Variants in PAX7 observed in about 807,000 individuals in gnomAD.
PAX7 encodes paired box protein Pax-7.
PAX7 carries 18 observed loss-of-function variants against 50.7 expected under a neutral mutation model. That is an observed-to-expected ratio of 0.36 (90% CI 0.25 to 0.53). PAX7 has a LOEUF of 0.53. Among genes scored for constraint, PAX7 ranks in the 20% least tolerant of loss-of-function variants. The pLI is 0.93. For missense variants in PAX7, 644 were observed against 702.9 expected (o/e 0.92, Z 0.95); for synonymous variants, 310 against 290.4 (o/e 1.07, Z -0.69).
At chr1:18,644,503 T>C (rs1044619554) in intron 4 of PAX7, among the ~76,000 whole-genome samples, 2 of 152,114 alleles carry the variant, frequency 1.3e-5, no homozygotes, top group African/African-American at 4.8e-5. Flanking sequence ...ATTTACATAC[T>C]TATATACTTT....
intron 7 of PAX7, among the ~76,000 whole-genome samples, chr1:18,706,041 T>C (rs2089279186): frequency 6.6e-6 from 1 of 152,128 alleles, no homozygotes; most frequent in Non-Finnish European, 1.5e-5. Context: ...CTGCGAGCAC[T>C]TCCTGAAGGA....
chr1:18,718,545 C>T (rs1461213363), intron 7 of PAX7, among the ~76,000 whole-genome samples: 1 of 152,134 alleles, frequency 6.6e-6, no homozygotes, highest in Non-Finnish European at 1.5e-5. Context: ...TTGTAAACCT[C>T]TCCCCAAGTG....
chr1:18,728,959 A>G (rs2089613237), intron 7 of PAX7, among the ~76,000 whole-genome samples: 2 of 152,028 alleles, frequency 1.3e-5, no homozygotes, highest in African/African-American at 4.8e-5. Flanking sequence ...AGACAGACCC[A>G]GGGGAGAGGC....
chr1:18,703,424 A>G, intron 7 of PAX7, 128 bp downstream of exon 7: 1 of 800,322 alleles, frequency 1.2e-6, no homozygotes, highest in Non-Finnish European at 2.0e-6. Context: ...TTTTTGTTCT[A>G]GAATCAGGAA....
At chr1:18,728,406 C>G (rs2089606457) in intron 7 of PAX7, among the ~76,000 whole-genome samples, 1 of 151,894 alleles carries the variant, frequency 6.6e-6, no homozygotes, top group South Asian at 2.1e-4. Context: ...GTGTGTCTTC[C>G]TGCATCGGTG....
intron 5 of PAX7, among the ~76,000 whole-genome samples, chr1:18,698,910 C>T (rs973315170): frequency 2.6e-5 from 4 of 152,218 alleles, no homozygotes; most frequent in Non-Finnish European, 4.4e-5. Context: ...TAAGCGCCCT[C>T]CACCTGGCTG....
chr1:18,707,083 G>A (rs979607934), intron 7 of PAX7, among the ~76,000 whole-genome samples: 14 of 152,330 alleles, frequency 9.2e-5, no homozygotes, highest in African/African-American at 3.4e-4. Flanking sequence ...CTAACATAAT[G>A]AATATTTATA....
At chr1:18,740,223 A>G (rs1039562067) in intron 8 of PAX7, among the ~76,000 whole-genome samples, 6 of 152,266 alleles carry the variant, frequency 3.9e-5, no homozygotes, top group African/African-American at 1.2e-4. Context: ...CCCCTGGGAG[A>G]GGCAGGCTGT....
intron 8 of PAX7, among the ~76,000 whole-genome samples, chr1:18,736,588 A>G (rs1294614053): frequency 6.6e-6 from 1 of 152,130 alleles, no homozygotes; most frequent in Non-Finnish European, 1.5e-5. Flanking sequence ...TTATTGAGAT[A>G]TTTTACATTC....
chr1:18,713,084 G>GA (rs367924015), intron 7 of PAX7, among the ~76,000 whole-genome samples: 1 of 151,392 alleles, frequency 6.6e-6, no homozygotes, highest in African/African-American at 2.4e-5. Context: ...TCCATCTCAA[G>GA]AAAAAAAAGG....
chr1:18,648,830 A>G (rs1318001128), intron 4 of PAX7, among the ~76,000 whole-genome samples: 1 of 152,138 alleles, frequency 6.6e-6, no homozygotes, highest in Non-Finnish European at 1.5e-5. Context: ...GTACCGGAAG[A>G]TGTGGAGATA....
chr1:18,639,031 T>A (rs527496866), intron 4 of PAX7, among the ~76,000 whole-genome samples: 13 of 152,344 alleles, frequency 8.5e-5, no homozygotes, highest in African/African-American at 3.1e-4. Context: ...GCCCCTCTCA[T>A]GGCAGGGAGC....
At chr1:18,682,797 T>C (rs1271254960) in intron 4 of PAX7, among the ~76,000 whole-genome samples, 1 of 152,164 alleles carries the variant, frequency 6.6e-6, no homozygotes, top group Non-Finnish European at 1.5e-5. Flanking sequence ...GAGGAGGTGC[T>C]GCCGGGCTGT....
chr1:18,738,913 A>G (rs1930961578), intron 8 of PAX7, among the ~76,000 whole-genome samples: 1 of 152,206 alleles, frequency 6.6e-6, no homozygotes, highest in Admixed American at 6.5e-5. Flanking sequence ...CTCCTTTGGC[A>G]TTTTGGAGGC....
chr1:18,718,132 A>G (rs1256780978), intron 7 of PAX7, among the ~76,000 whole-genome samples: 1 of 152,236 alleles, frequency 6.6e-6, no homozygotes, highest in Non-Finnish European at 1.5e-5. Flanking sequence ...TGTCAGGGAC[A>G]GGAGAGCCAG....
At chr1:18,723,677 G>C (rs1283808486) in intron 7 of PAX7, among the ~76,000 whole-genome samples, 1 of 152,254 alleles carries the variant, frequency 6.6e-6, no homozygotes, top group African/African-American at 2.4e-5. Context: ...TGCACAGGGA[G>C]AGAAGAGAGA....
rs1328272563 is a variant in PAX7, at chr1:18,631,620, GC to G, written c.18del (p.Thr7ArgfsTer5). The part of the protein sequence containing the change: MAALP[G>X]TVPRMMRPAP... ...TGCGCAAGAATGGCGGCCCTTCCCGGCACGGTACCGAGAATGATGCGGCCGG... is the reference window on the plus strand; with the variant it reads ...TGCGCAAGAATGGCGGCCCTTCCCGGACGGTACCGAGAATGATGCGGCCGG... On this transcript the variant is annotated frameshift_variant, in exon 1 of 9. Coordinates refer to ENST00000420770, the MANE Select transcript of PAX7 (RefSeq NM_001135254.2). LOFTEE classifies it high-confidence loss of function. 6.2e-7 allele frequency: 1 copy of G among 1,612,450 alleles called. No homozygotes were observed. Among genetic ancestry groups the G allele is most frequent in the African/African-American group, 1.3e-5 (1 of 74,932 alleles).
rs758316511 is a variant in PAX7, at chr1:18,700,676, C to T, written c.810C>T (p.Ala270=). 62 of 1,581,050 alleles carry T rather than the reference C, an allele frequency of 3.9e-5. No homozygotes were observed. Among genetic ancestry groups the T allele is most frequent in the Non-Finnish European group, 5.3e-5 (62 of 1,164,910 alleles). The change falls in exon 6 of 9, where the codon GCC becomes GCT. Residue 270 remains alanine, a synonymous_variant. Transcript: ENST00000420770. The surrounding 1 kb of genome is among the most constrained non-coding windows in gnomAD (Gnocchi z 4.8). ...AGGTCTGGTTCAGTAACCGCCGCGC[C>T]CGTTGGCGTAAGCAGGCAGGAGCCA... The part of the protein sequence containing the change: ...RVQVWFSNRR[A]RWRKQAGANQ...
chr1:18,685,279 G>A (rs2088958315), intron 4 of PAX7, among the ~76,000 whole-genome samples: 1 of 152,246 alleles, frequency 6.6e-6, no homozygotes, highest in Non-Finnish European at 1.5e-5. Context: ...ACTGTAGAGT[G>A]TTGTGTGCAA....
Sources: gnomAD v4.1 joint callset for allele counts (sites outside exome capture counted in the v4.1 genomes callset) on GRCh38, gnomAD v4.1.1 for gene constraint, Gnocchi (gnomAD v3.1) non-coding constraint, MANE v1.5 for transcripts, NCBI Gene and HGNC (gene_info 2026-07-23, HGNC 2026-07-21) for gene names.